Variants in SENP6 observed in about 807,000 individuals in gnomAD.
SENP6 encodes SUMO specific peptidase 6.
Under a neutral mutation model 134.5 loss-of-function variants are expected in SENP6, and 41 were observed. The observed-to-expected ratio is 0.30, with a 90% CI of 0.24 to 0.40. SENP6 has a LOEUF of 0.40. Ranked by LOEUF, SENP6 falls within the 10% of genes least tolerant of loss-of-function variation. SENP6 has a pLI of 1.00. For missense variants in SENP6, 1,248 were observed against 1,312.5 expected, an observed-to-expected ratio of 0.95 and a Z score of 0.76; for synonymous variants, 395 against 429.8, an observed-to-expected ratio of 0.92 and a Z score of 1.00.
intron 16 of SENP6, among the ~76,000 whole-genome samples, chr6:75,691,207 A>G (rs546995153): frequency 1.3e-5 from 2 of 150,968 alleles, no homozygotes; most frequent in Non-Finnish European, 3.0e-5. Context: ...CAGTGACGCA[A>G]TCACGACTCA....
intron 1 of SENP6, among the ~76,000 whole-genome samples, chr6:75,605,424 C>T (rs1049904679): frequency 6.6e-6 from 1 of 151,990 alleles, no homozygotes; most frequent in Non-Finnish European, 1.5e-5. Context: ...ATTTCTTGCA[C>T]CTGAAACATA....
intron 18 of SENP6, among the ~76,000 whole-genome samples, chr6:75,700,521 C>G (rs1444396542): frequency 6.6e-6 from 1 of 152,110 alleles, no homozygotes. Flanking sequence ...GGGTCTCACT[C>G]TGTCGCCCAG....
intron 5 of SENP6, among the ~76,000 whole-genome samples, chr6:75,635,787 A>T (rs1769466800): frequency 6.6e-6 from 1 of 152,142 alleles, no homozygotes; most frequent in African/African-American, 2.4e-5. Flanking sequence ...AAACAATAAA[A>T]GGAGAGTAAT....
At position 75,695,845 on chromosome 6, in the gene SENP6, G is replaced by T; in HGVS notation, c.2117G>T (p.Arg706Leu). ...LEKLKKEDAD[R>L]IHIFSSFFYK... is the part of the protein sequence containing the mutation. ...AAACTGAAGAAGGAAGACGCTGACC[G>T]AATTCATATATTCAGTTCTTTTTTC... The change falls in exon 17 of 24, where the codon CGA (arginine) becomes CTA (leucine). Residue 706 changes from arginine (R) to leucine (L), a missense_variant. Physicochemically the swap from Arg to Leu is moderately radical, Grantham distance 102. This residue lies in a region of SENP6 where 129 missense variants were observed against 192.0 expected (regional missense o/e 0.67). Transcript: ENST00000447266. The T allele has an allele frequency of 1.2e-6, 2 of 1,604,800 alleles. No homozygotes were observed. Among genetic ancestry groups the T allele is most frequent in the Non-Finnish European group, 1.7e-6 (2 of 1,175,830 alleles).
chr6:75,608,856 G>T (rs1466789658), intron 1 of SENP6, among the ~76,000 whole-genome samples: 4 of 152,176 alleles, frequency 2.6e-5, no homozygotes, highest in Non-Finnish European at 5.9e-5. Flanking sequence ...TTTATTAGCA[G>T]ATAGAGAAAA....
In SENP6 at chr6:75,709,531, C is replaced by G; in HGVS notation, c.2721C>G (p.Gly907=). ...TAATGTTTCTTATTGATACAGATGG[C>G]TTAAGCAAAATCAGACTAAACTATA... ...ESLSSTHHTD[G]LSKIRLNYSD... The change falls in exon 20 of 24, where the codon GGC becomes GGG. Residue 907 remains glycine (G), a synonymous_variant. Coordinates refer to ENST00000447266, the MANE Select transcript of SENP6 (RefSeq NM_015571.4). The G allele has an allele frequency of 1.2e-6, 2 of 1,612,376 alleles. No homozygotes were observed. The highest frequency in any genetic ancestry group is 1.7e-6 in the Non-Finnish European group (2 of 1,178,656).
intron 18 of SENP6, among the ~76,000 whole-genome samples, chr6:75,699,873 A>G (rs1211915696): frequency 2.0e-5 from 3 of 151,490 alleles, no homozygotes; most frequent in Non-Finnish European, 4.4e-5. Flanking sequence ...GTGTGGATCT[A>G]ATCTATCTTA....
At chr6:75,701,220 A>G (rs189107097) in intron 18 of SENP6, among the ~76,000 whole-genome samples, 13 of 152,338 alleles carry the variant, frequency 8.5e-5, no homozygotes, top group African/African-American at 1.9e-4. Flanking sequence ...TGCTTGACCA[A>G]TAAGCTCCCT....
chr6:75,693,928 C>G (rs1056459409), intron 16 of SENP6, among the ~76,000 whole-genome samples: 2 of 151,980 alleles, frequency 1.3e-5, no homozygotes, highest in African/African-American at 4.8e-5. Flanking sequence ...ACTTGTTTTG[C>G]TATAGATGTA....
chr6:75,619,191 A>G (rs1768079716), intron 1 of SENP6, among the ~76,000 whole-genome samples: 1 of 152,316 alleles, frequency 6.6e-6, no homozygotes, highest in African/African-American at 2.4e-5. Context: ...TTAAATCATC[A>G]TAAACAAGAA....
chr6:75,633,744 C>T lies in SENP6; in HGVS notation c.353+18C>T, dbSNP rs1769288572. On this transcript the variant is annotated intron_variant, in intron 4 of 23. Coordinates refer to ENST00000447266, the MANE Select transcript of SENP6 (RefSeq NM_015571.4). The stretch of plus-strand genomic sequence containing the variant: ...AAATTGAGGTATAGGCACTTCACCA[C>T]ACATTCCTACAGAAAAGATAAAGGA... 6.3e-7 allele frequency: 1 copy of T among 1,578,794 alleles called. No individual in the cohort carries two copies. Among genetic ancestry groups the T allele is most frequent in the African/African-American group, 1.4e-5 (1 of 72,638 alleles).
chr6:75,657,324 A>G (rs1044366246), intron 7 of SENP6, among the ~76,000 whole-genome samples: 8 of 152,178 alleles, frequency 5.3e-5, no homozygotes, highest in African/African-American at 1.9e-4. Context: ...CTCTTCAACA[A>G]AGTAACTTAG....
intron 8 of SENP6, among the ~76,000 whole-genome samples, chr6:75,660,321 T>A (rs923176424): frequency 6.6e-6 from 1 of 152,246 alleles, no homozygotes; most frequent in African/African-American, 2.4e-5. Context: ...CACTGCAATG[T>A]CAGTTAATAG....
At chr6:75,663,679 C>CA (rs772643145) in intron 9 of SENP6, among the ~76,000 whole-genome samples, 161 bp downstream of exon 9, 9 of 151,020 alleles carry the variant, frequency 6.0e-5, no homozygotes, top group Middle Eastern at 3.4e-3. Flanking sequence ...TTAAAAAAAA[C>CA]AAAAAAAAGA....
chr6:75,658,352 A>C (rs186645683), intron 7 of SENP6, among the ~76,000 whole-genome samples: 1 of 152,240 alleles, frequency 6.6e-6, no homozygotes, highest in East Asian at 1.9e-4. Context: ...TTATGTCTAC[A>C]TAATCTTATT....
At position 75,670,658 on chromosome 6, in the gene SENP6, A is replaced by G. The variant is rs1772600077; in HGVS notation, c.1330A>G (p.Ile444Val). The G allele has an allele frequency of 5.6e-6, 9 of 1,613,558 alleles. No individual in the cohort carries two copies. Among genetic ancestry groups the G allele is most frequent in the Middle Eastern group, 1.6e-4 (1 of 6,078 alleles). ...LSCQSSFDSV[I>V]LNCRSIRVGT... ...CTGCCAAAGTTCCTTTGACAGTGTC[A>G]TTTTAAACTGTCGAAGTATACGAGT... Residue 444 changes from isoleucine to valine, a missense_variant, in exon 11 of 24, where the codon ATT becomes GTT. By Grantham distance (29) the Ile-to-Val change is conservative. This residue lies in a region of SENP6 where 733 missense variants were observed against 725.4 expected (regional missense o/e 1.01). Coordinates refer to ENST00000447266, the MANE Select transcript of SENP6 (RefSeq NM_015571.4).
At chr6:75,629,360 G>T (rs567249367) in intron 3 of SENP6, among the ~76,000 whole-genome samples, 1 of 151,976 alleles carries the variant, frequency 6.6e-6, no homozygotes, top group South Asian at 2.1e-4. Flanking sequence ...GTGCAGTGGC[G>T]CAATCTTGGC....
intron 18 of SENP6, 108 bp downstream of exon 18, chr6:75,697,625 A>G: frequency 4.1e-6 from 3 of 738,192 alleles, no homozygotes; most frequent in Non-Finnish European, 6.8e-6. Flanking sequence ...TCTTTCTGAA[A>G]TCTCTTGTGT....
intron 1 of SENP6, among the ~76,000 whole-genome samples, chr6:75,619,067 C>G (rs949581501): frequency 6.7e-6 from 1 of 148,418 alleles, no homozygotes; most frequent in Non-Finnish European, 1.5e-5. Flanking sequence ...GTATAATATA[C>G]ATAACATATA....
Sources: gnomAD v4.1 joint callset for allele counts (sites outside exome capture counted in the v4.1 genomes callset) on GRCh38, gnomAD v4.1.1 for gene constraint, gnomAD v4.1.1 regional missense constraint, MANE v1.5 for transcripts, NCBI Gene and HGNC (gene_info 2026-07-23, HGNC 2026-07-21) for gene names.